Variants in SIPA1L1 observed in about 807,000 individuals in gnomAD.
SIPA1L1 encodes the protein signal induced proliferation associated 1 like 1.
SIPA1L1 carries 26 observed loss-of-function variants against 162.7 expected under a neutral mutation model. The ratio of observed to expected loss-of-function variants is 0.16; its 90% CI spans 0.12 to 0.22. The LOEUF (loss-of-function observed/expected upper bound fraction) is 0.22, where lower values mean the gene tolerates loss of function less well. Among genes scored for constraint, SIPA1L1 ranks in the 10% least tolerant of loss-of-function variants. The probability of loss-of-function intolerance (pLI) is 1.00; values close to 1 mark genes in which losing one functional copy is unlikely to be tolerated. For synonymous variants in SIPA1L1, 829 were observed against 837.4 expected (o/e 0.99, Z 0.17); for missense variants, 1,874 against 2,241.0 (o/e 0.84, Z 3.31).
intron 2 of SIPA1L1, among the ~76,000 whole-genome samples, chr14:71,399,128 T>TATG (rs199591862): frequency 0.018 from 2,701 of 152,318 alleles, 73 homozygotes; most frequent in African/African-American, 0.062. Context: ...GACTGACCAC[T>TATG]ATGATGCTCA....
chr14:71,676,709 A>C (rs965520359), intron 12 of SIPA1L1, among the ~76,000 whole-genome samples: 16 of 141,814 alleles, frequency 1.1e-4, no homozygotes, highest in African/African-American at 4.2e-4. Context: ...CCCACCTATG[A>C]GTAAGAACAT....
At chr14:71,357,876 C>T (rs564268780) in intron 2 of SIPA1L1, among the ~76,000 whole-genome samples, 53 of 152,258 alleles carry the variant, frequency 3.5e-4, no homozygotes, top group African/African-American at 1.2e-3. Flanking sequence ...TACAGGTGCA[C>T]ACCACCATGC....
intron 2 of SIPA1L1, among the ~76,000 whole-genome samples, chr14:71,468,042 GTGTGTCTGTC>G (rs1303161547): frequency 6.6e-6 from 1 of 150,732 alleles, no homozygotes; most frequent in African/African-American, 2.4e-5. Context: ...GTGTGTGTGT[GTGTGTCTGTC>G]TGTGTCTGTC....
intron 2 of SIPA1L1, among the ~76,000 whole-genome samples, chr14:71,510,313 A>G (rs2051035248): frequency 6.6e-6 from 1 of 150,774 alleles, no homozygotes; most frequent in South Asian, 2.1e-4. Context: ...CAGCCTCCCA[A>G]ATAGCTGGAA....
chr14:71,399,038 C>T (rs1160622171), intron 2 of SIPA1L1, among the ~76,000 whole-genome samples: 1 of 152,158 alleles, frequency 6.6e-6, no homozygotes, highest in Non-Finnish European at 1.5e-5. Flanking sequence ...TAGATCTCAG[C>T]TTTCATTGAG....
chr14:71,633,008 C>T (rs117480801), intron 7 of SIPA1L1, among the ~76,000 whole-genome samples: 209 of 152,236 alleles, frequency 1.4e-3, no homozygotes, highest in Non-Finnish European at 2.5e-3. Context: ...AAAATTTGAT[C>T]AACACATGCC....
chr14:71,484,388 TTAAG>T (rs2048588830), intron 2 of SIPA1L1, among the ~76,000 whole-genome samples: 1 of 152,048 alleles, frequency 6.6e-6, no homozygotes. Flanking sequence ...TTAAAACCCT[TTAAG>T]TAATTAGCAT....
At chr14:71,699,184 T>G (rs1437765234) in intron 14 of SIPA1L1, 57 bp downstream of exon 14, 7 of 1,526,316 alleles carry the variant, frequency 4.6e-6, no homozygotes, top group Non-Finnish European at 6.3e-6. Context: ...TTCTTTCATC[T>G]GTACTCAGAC....
chr14:71,635,702 G>T (rs2041072462), intron 7 of SIPA1L1, among the ~76,000 whole-genome samples: 1 of 152,072 alleles, frequency 6.6e-6, no homozygotes, highest in Admixed American at 6.6e-5. Flanking sequence ...ATAAATGAAA[G>T]ATAAAATGAC....
chr14:71,623,729 T>C (rs1051974979), intron 6 of SIPA1L1, among the ~76,000 whole-genome samples: 3 of 152,214 alleles, frequency 2.0e-5, no homozygotes, highest in African/African-American at 4.8e-5. Context: ...CATAGTGACA[T>C]GGTATAGCCA....
At chr14:71,573,636 A>T in intron 4 of SIPA1L1, 1 of 456,740 alleles carries the variant, frequency 2.2e-6, no homozygotes, top group Non-Finnish European at 4.4e-6. Context: ...GCTTTCAACA[A>T]CTATGCATTT....
chr14:71,529,452 A>G (rs1336859308), intron 4 of SIPA1L1, 82 bp downstream of exon 4: 8 of 572,462 alleles, frequency 1.4e-5, no homozygotes, highest in African/African-American at 1.3e-4. Context: ...GATTAGAGAA[A>G]TGAAAACATA....
At chr14:71,664,591 C>T (rs190340030) in intron 10 of SIPA1L1, among the ~76,000 whole-genome samples, 30 of 152,190 alleles carry the variant, frequency 2.0e-4, no homozygotes, top group East Asian at 1.5e-3. Context: ...TATTTTTAAA[C>T]GTGCAATTAA....
chr14:71,695,003 G>A (rs1368599171), intron 13 of SIPA1L1, among the ~76,000 whole-genome samples: 1 of 152,192 alleles, frequency 6.6e-6, no homozygotes, highest in East Asian at 1.9e-4. Flanking sequence ...CCTCTTCAAA[G>A]TGGCAGGATA....
intron 2 of SIPA1L1, among the ~76,000 whole-genome samples, chr14:71,384,686 T>C (rs560976598): frequency 6.6e-6 from 1 of 152,346 alleles, no homozygotes; most frequent in East Asian, 1.9e-4. Context: ...CATGCCTTTT[T>C]TGGTGGTAAA....
At chr14:71,448,338 C>T (rs893758312) in intron 2 of SIPA1L1, among the ~76,000 whole-genome samples, 1 of 152,122 alleles carries the variant, frequency 6.6e-6, no homozygotes, top group African/African-American at 2.4e-5. Flanking sequence ...CCTAAGTGCT[C>T]TAATGTATTG....
chr14:71,511,935 C>G (rs890719453), intron 2 of SIPA1L1, among the ~76,000 whole-genome samples: 2 of 152,204 alleles, frequency 1.3e-5, no homozygotes, highest in African/African-American at 4.8e-5. Flanking sequence ...CTTGCCTCCT[C>G]CCTTACCCCA....
At chr14:71,440,504 AACTGAC>A (rs1382979376) in intron 2 of SIPA1L1, among the ~76,000 whole-genome samples, 1 of 151,756 alleles carries the variant, frequency 6.6e-6, no homozygotes, top group African/African-American at 2.4e-5. Context: ...TACAAAAACT[AACTGAC>A]CATGGGTGGG....
At chr14:71,410,347 G>C (rs1343879186) in intron 2 of SIPA1L1, among the ~76,000 whole-genome samples, 1 of 152,106 alleles carries the variant, frequency 6.6e-6, no homozygotes, top group South Asian at 2.1e-4. Flanking sequence ...AAATTTTCAG[G>C]AAGTATAAGC....
Sources: allele counts gnomAD v4.1 joint callset (sites outside exome capture counted in the v4.1 genomes callset), GRCh38; gene constraint gnomAD v4.1.1; transcripts MANE v1.5; gene names NCBI Gene and HGNC (gene_info 2026-07-23, HGNC 2026-07-21).